Variants in RBFOX1 observed in about 807,000 individuals in gnomAD.
RBFOX1 encodes RNA binding protein fox-1 homolog 1.
Under a neutral mutation model 57.7 loss-of-function variants are expected in RBFOX1, and 8 were observed. The observed-to-expected ratio is 0.14, with a 90% CI of 0.08 to 0.25. The LOEUF (loss-of-function observed/expected upper bound fraction) is 0.25, where lower values mean the gene tolerates loss of function less well. RBFOX1 is among the 10% of genes least tolerant of loss of function. The probability of loss-of-function intolerance (pLI) is 1.00; values close to 1 mark genes in which losing one functional copy is unlikely to be tolerated. For missense variants in RBFOX1, 611 were observed against 548.5 expected, an observed-to-expected ratio of 1.11 and a Z score of -1.14; for synonymous variants, 326 against 222.4, an observed-to-expected ratio of 1.47 and a Z score of -4.15.
At chr16:6,877,071 C>T (rs934430758) in intron 3 of RBFOX1, among the ~76,000 whole-genome samples, 1 of 152,174 alleles carries the variant, frequency 6.6e-6, no homozygotes, top group Non-Finnish European at 1.5e-5. Flanking sequence ...TGCTTCATAA[C>T]TGGCCATTTA....
At chr16:6,792,600 C>G (rs534379010) in intron 3 of RBFOX1, among the ~76,000 whole-genome samples, 8 of 152,164 alleles carry the variant, frequency 5.3e-5, no homozygotes, top group Non-Finnish European at 1.2e-4. Flanking sequence ...ACTACGAAGT[C>G]AGGGTTGCAA....
intron 1 of RBFOX1, among the ~76,000 whole-genome samples, chr16:6,069,980 C>G (rs1261433549): frequency 6.6e-6 from 1 of 152,184 alleles, no homozygotes; most frequent in African/African-American, 2.4e-5. Flanking sequence ...GAGGGAGATT[C>G]TGTCTCAACA....
chr16:5,248,444 C>T (rs1275993924), intron 1 of RBFOX1, among the ~76,000 whole-genome samples: 1 of 152,216 alleles, frequency 6.6e-6, no homozygotes, highest in Non-Finnish European at 1.5e-5. Context: ...ATTCTGGGGG[C>T]AGCCTTTCCC....
intron 3 of RBFOX1, among the ~76,000 whole-genome samples, chr16:6,797,291 A>G (rs1488989984): frequency 1.3e-5 from 2 of 152,168 alleles, no homozygotes; most frequent in African/African-American, 2.4e-5. Flanking sequence ...TAAATCTCAG[A>G]AATCTCTATA....
At position 7,195,002 on chromosome 16, in the gene RBFOX1, AATTG is replaced by A. The variant is rs372596435; in HGVS notation, c.27+142909_27+142912del. Among the ~76,000 whole-genome samples, 10 of 152,156 alleles carry A rather than the reference AATTG, an allele frequency of 6.6e-5. No individual in the cohort carries two copies. The South Asian group carries it at 1.7e-3, about 25-fold the overall frequency. On this transcript the variant is annotated intron_variant, in intron 4 of 15. Coordinates refer to ENST00000550418, the MANE Select transcript of RBFOX1 (RefSeq NM_018723.4). ...TTCAATATTTTATCGAGGTTAATAA[AATTG>A]ATTGGTTCTTAATTAGTTGTTTATT...
intron 5 of RBFOX1, among the ~76,000 whole-genome samples, chr16:7,536,322 G>A (rs113746448): frequency 7.2e-5 from 11 of 152,280 alleles, no homozygotes; most frequent in Non-Finnish European, 1.3e-4. Context: ...GGCTGGGCGC[G>A]GTGGCTCATG....
At chr16:7,668,864 A>G (rs1260026320) in intron 13 of RBFOX1, among the ~76,000 whole-genome samples, 1 of 152,178 alleles carries the variant, frequency 6.6e-6, no homozygotes, top group Non-Finnish European at 1.5e-5. Context: ...TGCAAGGACT[A>G]AGGTTCTTAG....
chr16:7,233,342 A>T (rs930123476), intron 4 of RBFOX1, among the ~76,000 whole-genome samples: 2 of 151,762 alleles, frequency 1.3e-5, no homozygotes, highest in Non-Finnish European at 2.9e-5. Flanking sequence ...GCTCTTCTAT[A>T]TTCTTTTCCA....
intron 2 of RBFOX1, among the ~76,000 whole-genome samples, chr16:6,364,617 T>C (rs2089231280): frequency 3.3e-5 from 5 of 152,182 alleles, no homozygotes; most frequent in Admixed American, 3.3e-4. Flanking sequence ...AGACATATGG[T>C]CATATAGAGG....
At chr16:6,312,047 A>G (rs2080384058) in intron 1 of RBFOX1, among the ~76,000 whole-genome samples, 1 of 152,174 alleles carries the variant, frequency 6.6e-6, no homozygotes, top group African/African-American at 2.4e-5. Context: ...TGTGATCAAG[A>G]TACAGTTTGC....
chr16:7,403,568 C>CA (rs2098280401), intron 4 of RBFOX1, among the ~76,000 whole-genome samples: 1 of 146,176 alleles, frequency 6.8e-6, no homozygotes, highest in Non-Finnish European at 1.5e-5. Flanking sequence ...AGAATCCCCC[C>CA]CCCCCCACTT....
At chr16:7,355,733 C>CA (rs1401679840) in intron 4 of RBFOX1, among the ~76,000 whole-genome samples, 5 of 152,052 alleles carry the variant, frequency 3.3e-5, no homozygotes, top group Admixed American at 1.3e-4. Flanking sequence ...TTCTTACACA[C>CA]AAAAAAGGGT....
At chr16:6,857,812 T>C (rs1043898387) in intron 3 of RBFOX1, among the ~76,000 whole-genome samples, 2 of 152,212 alleles carry the variant, frequency 1.3e-5, no homozygotes, top group Admixed American at 1.3e-4. Flanking sequence ...AAGCAGTGCC[T>C]GTTTTGGTAA....
rs2082678279 is a variant in RBFOX1 at position 6,790,194 on chromosome 16, T to TATTATTATTATTA, written c.-16+135550_-16+135551insATTATTAATTATT. Among the ~76,000 whole-genome samples, 7 of 148,818 alleles carry TATTATTATTATTA rather than the reference T, an allele frequency of 4.7e-5. No homozygotes were observed. The South Asian group carries it at 1.5e-3, about 31-fold the overall frequency. On this transcript the variant is annotated intron_variant, in intron 3 of 15. Transcript: ENST00000550418. Reference sequence around the variant, plus strand: ...CTATTATTATTATTATTATTATTATTATTATTTTATGACAGACTCTCGCTC... The same window carrying TATTATTATTATTA: ...CTATTATTATTATTATTATTATTATTATTATTATTATTAATTATTTTATGACAGACTCTCGCTC...
chr16:6,273,583 T>A (rs183583011), intron 1 of RBFOX1, among the ~76,000 whole-genome samples: 9 of 152,056 alleles, frequency 5.9e-5, no homozygotes, highest in Admixed American at 3.9e-4. Context: ...TGACCTCAGG[T>A]GATCCGCCCG....
At chr16:6,969,475 C>G (rs994246340) in intron 3 of RBFOX1, among the ~76,000 whole-genome samples, 5 of 151,970 alleles carry the variant, frequency 3.3e-5, no homozygotes, top group Non-Finnish European at 5.9e-5. Flanking sequence ...TGGCTCATGC[C>G]TGTAATCCCA....
intron 3 of RBFOX1, among the ~76,000 whole-genome samples, chr16:6,900,043 T>A (rs1198693273): frequency 2.6e-5 from 4 of 152,180 alleles, no homozygotes; most frequent in African/African-American, 7.2e-5. Context: ...CTTCTAGGGT[T>A]GTCGGGAGGA....
At chr16:5,341,263 C>A (rs1469865402) in intron 1 of RBFOX1, among the ~76,000 whole-genome samples, 8 of 151,858 alleles carry the variant, frequency 5.3e-5, no homozygotes, top group Non-Finnish European at 1.2e-4. Flanking sequence ...GATGGAAGAC[C>A]ATTGGAAAAT....
intron 3 of RBFOX1, among the ~76,000 whole-genome samples, chr16:6,999,184 AT>A (rs1291644857): frequency 2.2e-5 from 2 of 89,792 alleles, no homozygotes; most frequent in African/African-American, 7.6e-5. Flanking sequence ...ATTTTATTTT[AT>A]TTTATTTTAT....
Sources: allele counts gnomAD v4.1 joint callset (sites outside exome capture counted in the v4.1 genomes callset), GRCh38; gene constraint gnomAD v4.1.1; transcripts MANE v1.5; gene names NCBI Gene and HGNC (gene_info 2026-07-23, HGNC 2026-07-21).